PICALM: variants seen among roughly 807,000 people sequenced by gnomAD.
PICALM encodes the protein phosphatidylinositol binding clathrin assembly protein, also known as phosphatidylinositol-binding clathrin assembly protein.
In PICALM, 40 loss-of-function variants were observed where a neutral mutation model predicts 80.5. The observed-to-expected ratio is 0.50, with a 90% CI of 0.39 to 0.65. PICALM has a LOEUF of 0.65. Ranked by LOEUF, PICALM falls within the 30% of genes least tolerant of loss-of-function variation. The probability of loss-of-function intolerance (pLI) is 0.00; values close to 1 mark genes in which losing one functional copy is unlikely to be tolerated. For synonymous variants in PICALM, 288 were observed against 260.3 expected, an observed-to-expected ratio of 1.11 and a Z score of -1.02; for missense variants, 676 against 778.9, an observed-to-expected ratio of 0.87 and a Z score of 1.57.
chr11:86,062,273 T>C (rs1388228662), intron 1 of PICALM, among the ~76,000 whole-genome samples: 1 of 152,070 alleles, frequency 6.6e-6, no homozygotes, highest in Non-Finnish European at 1.5e-5. Flanking sequence ...TCCCAACACT[T>C]TGGGAGGCCG....
chr11:86,031,496 A>C lies in PICALM; in HGVS notation c.246T>G (p.Thr82=). ...WVVVFKSLIT[T]HHLMVYGNER... is the part of the protein sequence containing the mutation. ...CATTTCCATACACCATCAAATGATG[A>C]GTTGTAATGAGAGATTTGAAGACCA... The change falls in exon 2 of 20, where the codon ACT becomes ACG. Residue 82 remains threonine (T), a synonymous_variant. Coordinates refer to ENST00000393346, the MANE Select transcript of PICALM (RefSeq NM_007166.4). The C allele has an allele frequency of 4.3e-6, 7 of 1,612,256 alleles. No homozygotes were observed. Among genetic ancestry groups the C allele is most frequent in the Non-Finnish European group, 5.9e-6 (7 of 1,179,196 alleles).
chr11:85,987,715 C>T (rs963435370), intron 13 of PICALM, among the ~76,000 whole-genome samples: 26 of 152,192 alleles, frequency 1.7e-4, no homozygotes, highest in South Asian at 2.1e-4. Flanking sequence ...AAGCTATCCT[C>T]CTGCCTCAGC....
intron 1 of PICALM, among the ~76,000 whole-genome samples, chr11:86,034,397 T>A (rs1402271957): frequency 6.6e-6 from 1 of 152,198 alleles, no homozygotes; most frequent in African/African-American, 2.4e-5. Flanking sequence ...TCTTCCCACC[T>A]GTGACTAACC....
intron 1 of PICALM, among the ~76,000 whole-genome samples, 190 bp downstream of exon 1, chr11:86,068,461 G>A (rs930597030): frequency 5.3e-5 from 8 of 152,112 alleles, no homozygotes; most frequent in African/African-American, 1.7e-4. Context: ...TTGAGACGGG[G>A]AGCGGAGGCC....
In PICALM at chr11:85,981,730, A is replaced by C. The variant is rs1047294021; in HGVS notation, c.1679+15T>G. On this transcript the variant is annotated intron_variant, in intron 16 of 19. Transcript: ENST00000393346. ...ATAACACACGGAGAAAACAATGTGT[A>C]TATTAAACACTCACTTCTTAGTGGT... 1 of 1,590,580 alleles carries C rather than the reference A, an allele frequency of 6.3e-7. No individual in the cohort carries two copies. Among genetic ancestry groups the C allele is most frequent in the African/African-American group, 1.3e-5 (1 of 74,456 alleles).
chr11:85,984,389 G>T (rs1246923240), intron 13 of PICALM, among the ~76,000 whole-genome samples: 1 of 152,100 alleles, frequency 6.6e-6, no homozygotes, highest in Non-Finnish European at 1.5e-5. Flanking sequence ...ACTTCTAGTA[G>T]CCCCAAGATA....
chr11:86,045,086 T>C (rs1736124196), intron 1 of PICALM, among the ~76,000 whole-genome samples: 1 of 152,218 alleles, frequency 6.6e-6, no homozygotes, highest in Admixed American at 6.5e-5. Context: ...TCTACATGGC[T>C]TTAAATTTTG....
At chr11:85,987,329 T>C (rs1044395473) in intron 13 of PICALM, among the ~76,000 whole-genome samples, 2 of 152,230 alleles carry the variant, frequency 1.3e-5, no homozygotes, top group African/African-American at 4.8e-5. Flanking sequence ...CCCCATTTGT[T>C]TGATTCTAGA....
chr11:86,042,820 T>C (rs559683562), intron 1 of PICALM, among the ~76,000 whole-genome samples: 1 of 152,150 alleles, frequency 6.6e-6, no homozygotes, highest in African/African-American at 2.4e-5. Context: ...AATTCTCCTT[T>C]CTTTCCAACA....
chr11:85,977,929 G>C (rs952538989), intron 17 of PICALM: 6 of 700,326 alleles, frequency 8.6e-6, no homozygotes, highest in Non-Finnish European at 1.6e-5. Flanking sequence ...CATGAAATCA[G>C]TAGATGCTAG....
chr11:86,029,508 C>G (rs2095711485), intron 2 of PICALM, among the ~76,000 whole-genome samples: 3 of 152,172 alleles, frequency 2.0e-5, no homozygotes, highest in African/African-American at 7.2e-5. Flanking sequence ...CAAAAAAACA[C>G]ACTAAAATGC....
At chr11:85,987,164 A>T (rs627818) in intron 13 of PICALM, among the ~76,000 whole-genome samples, 120,227 of 152,196 alleles carry the variant, frequency 0.79, 47,575 homozygotes, top group African/African-American at 0.81. Context: ...CTAAGCACTA[A>T]GCAAGGGCTT....
intron 2 of PICALM, among the ~76,000 whole-genome samples, chr11:86,029,644 C>T (rs1339977629): frequency 6.6e-6 from 1 of 152,116 alleles, no homozygotes; most frequent in Non-Finnish European, 1.5e-5. Flanking sequence ...ATTATTGATA[C>T]TTTGTTTATC....
At chr11:86,052,285 C>A (rs1296597287) in intron 1 of PICALM, among the ~76,000 whole-genome samples, 1 of 152,160 alleles carries the variant, frequency 6.6e-6, no homozygotes, top group Non-Finnish European at 1.5e-5. Context: ...TTGTAAGTTT[C>A]CTGAGGTCTC....
chr11:85,986,355 C>A (rs2094569346), intron 13 of PICALM, among the ~76,000 whole-genome samples: 1 of 140,452 alleles, frequency 7.1e-6, no homozygotes, highest in African/African-American at 2.7e-5. Context: ...ATCAGGACTG[C>A]CAACTTTTAA....
intron 1 of PICALM, among the ~76,000 whole-genome samples, chr11:86,055,900 C>G (rs2096261631): frequency 6.6e-6 from 1 of 151,882 alleles, no homozygotes; most frequent in Admixed American, 6.6e-5. Flanking sequence ...TTTTGGGAGG[C>G]CGAGGCAGGT....
chr11:85,964,894 T>C (rs1346232000), intron 19 of PICALM, among the ~76,000 whole-genome samples: 1 of 152,212 alleles, frequency 6.6e-6, no homozygotes, highest in Admixed American at 6.5e-5. Flanking sequence ...AAAAACAGTC[T>C]CCAAAGTGGA....
At chr11:85,963,963 A>C (rs2093785948) in intron 19 of PICALM, among the ~76,000 whole-genome samples, 1 of 126,244 alleles carries the variant, frequency 7.9e-6, no homozygotes. Context: ...AAGGTCTTGC[A>C]ATGTTGTACA....
At chr11:85,979,845 C>T (rs1328408996) in intron 17 of PICALM, among the ~76,000 whole-genome samples, 1 of 152,158 alleles carries the variant, frequency 6.6e-6, no homozygotes, top group African/African-American at 2.4e-5. Context: ...AGAAAGAATG[C>T]TTCAAACTTT....
Sources: allele counts gnomAD v4.1 joint callset (sites outside exome capture counted in the v4.1 genomes callset), GRCh38; gene constraint gnomAD v4.1.1; transcripts MANE v1.5; gene names NCBI Gene and HGNC (gene_info 2026-07-23, HGNC 2026-07-21).